Variants in RNF212B observed in about 807,000 individuals in gnomAD.
The protein encoded by RNF212B is E3 ubiquitin-protein ligase RNF212B.
Under a neutral mutation model 55.5 loss-of-function variants are expected in RNF212B, and 52 were observed. The ratio of observed to expected loss-of-function variants is 0.94; its 90% CI spans 0.75 to 1.18. The LOEUF is 1.18. Among genes scored for constraint, RNF212B ranks in the 50% most tolerant of loss-of-function variants. The pLI is 0.00. For synonymous variants in RNF212B, 99 were observed against 121.4 expected (o/e 0.82, Z 1.21); for missense variants, 289 against 350.4 (o/e 0.82, Z 1.40).
chr14:23,250,932 G>A (rs1042142852), intron 4 of RNF212B, among the ~76,000 whole-genome samples: 5 of 152,216 alleles, frequency 3.3e-5, no homozygotes, highest in Non-Finnish European at 5.9e-5. Context: ...GAGGCAATCA[G>A]ATATGCATGT....
chr14:23,232,497 G>A (rs1211315966), intron 2 of RNF212B, among the ~76,000 whole-genome samples: 51 of 145,738 alleles, frequency 3.5e-4, no homozygotes, highest in Middle Eastern at 3.6e-3. Context: ...CAGCCGCCCC[G>A]TCTGGGAAGT....
intron 1 of RNF212B, among the ~76,000 whole-genome samples, chr14:23,186,346 A>AT (rs60915610): frequency 0.17 from 25,335 of 146,366 alleles, 2,122 homozygotes; most frequent in Middle Eastern, 0.35. Context: ...AATTTTGAGC[A>AT]TTTTTTTTTT....
chr14:23,238,748 AT>A (rs2140431991), intron 1 of RNF212B, among the ~76,000 whole-genome samples: 1 of 131,676 alleles, frequency 7.6e-6, no homozygotes, highest in South Asian at 2.4e-4. Flanking sequence ...AATAATAATA[AT>A]AATAATAATA....
chr14:23,203,524 G>A (rs1241499875), intron 2 of RNF212B, among the ~76,000 whole-genome samples: 4 of 141,566 alleles, frequency 2.8e-5, no homozygotes, highest in South Asian at 2.2e-4. Context: ...TGTCACCCAC[G>A]CTGGAGTGCA....
intron 1 of RNF212B, among the ~76,000 whole-genome samples, chr14:23,239,066 T>G (rs1883362305): frequency 6.6e-6 from 1 of 152,180 alleles, no homozygotes; most frequent in Admixed American, 6.5e-5. Flanking sequence ...TCTATGATTC[T>G]GAGTTTCTTT....
upstream of RNF212B, among the ~76,000 whole-genome samples, chr14:23,237,604 G>A (rs981410183): frequency 6.6e-6 from 1 of 152,032 alleles, no homozygotes; most frequent in Non-Finnish European, 1.5e-5. Context: ...AAAAGTTTTC[G>A]CCCACTTTAT....
chr14:23,211,038 T>C (rs1274657242), intron 2 of RNF212B, among the ~76,000 whole-genome samples: 1 of 151,770 alleles, frequency 6.6e-6, no homozygotes, highest in African/African-American at 2.4e-5. Context: ...GCCAACATAG[T>C]GAAACCCCGT....
intron 5 of RNF212B, chr14:23,259,619 G>A (rs1471355614): frequency 3.8e-6 from 1 of 265,668 alleles, no homozygotes; most frequent in Non-Finnish European, 7.1e-6. Context: ...AGGGGTGTGT[G>A]TGTGGGTGGA....
intron 2 of RNF212B, among the ~76,000 whole-genome samples, chr14:23,196,573 A>G (rs1319968096): frequency 1.3e-5 from 2 of 152,078 alleles, no homozygotes; most frequent in African/African-American, 4.8e-5. Context: ...CTGAGTAGCT[A>G]GGACTACAGG....
At chr14:23,224,873 C>T (rs1881872624) in intron 2 of RNF212B, among the ~76,000 whole-genome samples, 2 of 152,118 alleles carry the variant, frequency 1.3e-5, no homozygotes, top group African/African-American at 4.8e-5. Context: ...GGATTAATAA[C>T]TAGACTATAT....
At chr14:23,256,042 G>A (rs1480911021) in intron 4 of RNF212B, among the ~76,000 whole-genome samples, 1 of 152,070 alleles carries the variant, frequency 6.6e-6, no homozygotes, top group Non-Finnish European at 1.5e-5. Flanking sequence ...GCTTAGGCCT[G>A]GCAAAAGACC....
chr14:23,227,226 T>G (rs1882115813), intron 2 of RNF212B, among the ~76,000 whole-genome samples: 1 of 151,960 alleles, frequency 6.6e-6, no homozygotes, highest in Admixed American at 6.6e-5. Flanking sequence ...TATTATAATT[T>G]TTTTTTTGGT....
chr14:23,211,548 A>G (rs576294305), intron 2 of RNF212B, among the ~76,000 whole-genome samples: 2 of 152,292 alleles, frequency 1.3e-5, no homozygotes, highest in African/African-American at 4.8e-5. Context: ...TCATACAAAG[A>G]TCGTACCAGA....
intron 4 of RNF212B, among the ~76,000 whole-genome samples, chr14:23,254,479 A>C (rs1341793019): frequency 6.6e-6 from 1 of 152,118 alleles, no homozygotes; most frequent in Non-Finnish European, 1.5e-5. Context: ...AAATAAAAAT[A>C]AGAACTGGGA....
At chr14:23,185,798 G>A (rs768031855) in intron 1 of RNF212B, among the ~76,000 whole-genome samples, 11 of 152,116 alleles carry the variant, frequency 7.2e-5, no homozygotes, top group African/African-American at 2.4e-4. Flanking sequence ...TTACTGGTGC[G>A]ATGTAATATC....
At chr14:23,198,227 A>G (rs1878927534) in intron 2 of RNF212B, among the ~76,000 whole-genome samples, 1 of 152,164 alleles carries the variant, frequency 6.6e-6, no homozygotes, top group Non-Finnish European at 1.5e-5. Context: ...ACATCATGCT[A>G]TTTCATCCCC....
At chr14:23,250,205 C>T (rs910879981) in intron 4 of RNF212B, among the ~76,000 whole-genome samples, 1 of 152,148 alleles carries the variant, frequency 6.6e-6, no homozygotes, top group African/African-American at 2.4e-5. Context: ...TTAGGCCAGC[C>T]GTGGTGGCTC....
At position 23,264,667 on chromosome 14, in the gene RNF212B, T is replaced by A; in HGVS notation, c.630T>A (p.Tyr210Ter). 1.2e-5 allele frequency: 16 copies of A among 1,314,066 alleles called. No individual in the cohort carries two copies. The highest frequency in any genetic ancestry group is 1.5e-5 in the Non-Finnish European group (15 of 1,023,484). The allele number at this position is 1,314,066 out of a possible 1,614,324, so 81.4% of individuals were successfully genotyped here. The change falls in exon 11 of 15, where the codon TAT becomes TAA. Residue 210 changes from tyrosine to a stop codon, truncating the protein, a stop_gained. Coordinates refer to ENST00000430154, the MANE Select transcript of RNF212B (RefSeq NM_001282322.3). LOFTEE classifies it high-confidence loss of function. ...GAAGGAGAACTCCCAGAGACTCTTA[T>A]AATGGTGAGGTGGGGGGAAAAGGGT... ...LQGRRTPRDSYNETPSPASTH... is the reference protein window; with the variant it reads ...LQGRRTPRDS
chr14:23,272,778 T>G, intron 14 of RNF212B, 45 bp from the exon 15 acceptor site: 1 of 1,272,700 alleles, frequency 7.9e-7, no homozygotes, highest in East Asian at 2.5e-5. Context: ...TTGCCCTTTT[T>G]GCTGTTATAA....
Sources: gnomAD v4.1 joint callset for allele counts (sites outside exome capture counted in the v4.1 genomes callset) on GRCh38, gnomAD v4.1.1 for gene constraint, MANE v1.5 for transcripts, NCBI Gene and HGNC (gene_info 2026-07-23, HGNC 2026-07-21) for gene names.